The following TRAK1 variants were observed in gnomAD, a reference collection of about 807,000 sequenced individuals.
TRAK1 encodes trafficking kinesin-binding protein 1.
TRAK1 carries 33 observed loss-of-function variants against 92.1 expected under a neutral mutation model. That is an observed-to-expected ratio of 0.36 (90% CI 0.27 to 0.48). The LOEUF (loss-of-function observed/expected upper bound fraction) is 0.48. Ranked by LOEUF, TRAK1 falls within the 20% of genes least tolerant of loss-of-function variation. TRAK1 has a pLI of 0.99. For synonymous variants in TRAK1, 521 were observed against 517.3 expected (o/e 1.01, Z -0.10); for missense variants, 1,123 against 1,257.9 (o/e 0.89, Z 1.62).
intron 1 of TRAK1, among the ~76,000 whole-genome samples, chr3:42,104,895 A>G (rs926046668): frequency 6.6e-6 from 1 of 152,144 alleles, no homozygotes; most frequent in African/African-American, 2.4e-5. Context: ...GGTAATAACA[A>G]ACTTCTCCAA....
chr3:42,217,407 A>G, intron 14 of TRAK1: 2 of 985,380 alleles, frequency 2.0e-6, no homozygotes, highest in Non-Finnish European at 2.4e-6. Context: ...CTTCTGGGGA[A>G]TGGTGACTTG....
At chr3:42,141,145 T>C (rs1385841929) in intron 2 of TRAK1, among the ~76,000 whole-genome samples, 1 of 152,148 alleles carries the variant, frequency 6.6e-6, no homozygotes, top group African/African-American at 2.4e-5. Flanking sequence ...CTTTTTAATA[T>C]ATTATATAAA....
intron 1 of TRAK1, among the ~76,000 whole-genome samples, chr3:42,071,927 C>G: frequency 6.6e-6 from 1 of 152,188 alleles, no homozygotes; most frequent in Admixed American, 6.5e-5. Flanking sequence ...ACCACTCCTA[C>G]CACCCTTCCT....
chr3:42,140,697 C>T (rs537335390), intron 2 of TRAK1, among the ~76,000 whole-genome samples: 5 of 152,340 alleles, frequency 3.3e-5, no homozygotes, highest in African/African-American at 4.8e-5. Flanking sequence ...AGTTAATTTT[C>T]TGAAGCAAGT....
intron 1 of TRAK1, among the ~76,000 whole-genome samples, chr3:42,076,528 A>T (rs1294058980): frequency 1.2e-4 from 19 of 152,086 alleles, no homozygotes; most frequent in Admixed American, 1.2e-3. Context: ...GCCTGGCCAG[A>T]TATTAGACTT....
chr3:42,134,935 A>G (rs1037382314), intron 2 of TRAK1, among the ~76,000 whole-genome samples: 11 of 151,040 alleles, frequency 7.3e-5, no homozygotes, highest in Non-Finnish European at 1.0e-4. Flanking sequence ...GTGCAGTGGC[A>G]TTAATTATAG....
chr3:42,084,613 G>A (rs754226658), upstream of TRAK1, among the ~76,000 whole-genome samples: 3 of 152,030 alleles, frequency 2.0e-5, no homozygotes, highest in Non-Finnish European at 2.9e-5. Flanking sequence ...GGCTTCAGCC[G>A]GTGAATTCCC....
chr3:42,140,455 C>T (rs1409110211), intron 2 of TRAK1, among the ~76,000 whole-genome samples: 1 of 152,052 alleles, frequency 6.6e-6, no homozygotes, highest in South Asian at 2.1e-4. Flanking sequence ...GGTGAAACCC[C>T]GTCTCTACTA....
intron 1 of TRAK1, among the ~76,000 whole-genome samples, chr3:42,041,802 CT>C (rs1186834695): frequency 9.1e-6 from 1 of 109,664 alleles, no homozygotes; most frequent in Non-Finnish European, 2.0e-5. Context: ...TTTTTCTTTT[CT>C]TTTCTTTTTG....
chr3:42,218,925 A>G, intron 14 of TRAK1: 1 of 985,346 alleles, frequency 1.0e-6, no homozygotes, highest in Non-Finnish European at 1.2e-6. Flanking sequence ...AGGCAGCTGA[A>G]GTCCCCATCT....
chr3:42,198,933 G>T lies in TRAK1; in HGVS notation c.1114-244G>T, dbSNP rs749873625. On this transcript the variant is annotated intron_variant, in intron 10 of 15. Transcript: ENST00000327628. ...AGGGTTTGCTTTTAGACACCTAATG[G>T]CATATGAGTCAGCAGCTTTACACTC... is the stretch of plus-strand genomic sequence containing the variant. Among the ~76,000 whole-genome samples, 13 of 152,198 alleles carry T rather than the reference G, an allele frequency of 8.5e-5. No individual in the cohort carries two copies. In the East Asian group the frequency reaches 2.5e-3, roughly 29 times the overall value.
chr3:42,222,122 C>A (rs1710422059), intron 15 of TRAK1, among the ~76,000 whole-genome samples: 1 of 152,142 alleles, frequency 6.6e-6, no homozygotes, highest in Non-Finnish European at 1.5e-5. Context: ...ACTGCTGGAA[C>A]CTAGCAAGTC....
intron 1 of TRAK1, among the ~76,000 whole-genome samples, chr3:42,024,669 A>G (rs1701851896): frequency 6.6e-6 from 1 of 152,252 alleles, no homozygotes; most frequent in African/African-American, 2.4e-5. Flanking sequence ...TATGATTGCT[A>G]TTGAAATAAG....
chr3:42,155,515 T>C (rs1700438827), intron 2 of TRAK1, among the ~76,000 whole-genome samples: 1 of 152,180 alleles, frequency 6.6e-6, no homozygotes, highest in African/African-American at 2.4e-5. Flanking sequence ...TAGCATTATG[T>C]GGGCAGAAGT....
chr3:42,212,778 A>C (rs1001559892), intron 14 of TRAK1, among the ~76,000 whole-genome samples: 3 of 152,234 alleles, frequency 2.0e-5, no homozygotes, highest in African/African-American at 4.8e-5. Context: ...CAAAGGATTA[A>C]GAGTTAAAGT....
At chr3:42,062,828 C>T (rs1703506400) in intron 1 of TRAK1, among the ~76,000 whole-genome samples, 1 of 152,188 alleles carries the variant, frequency 6.6e-6, no homozygotes, top group South Asian at 2.1e-4. Flanking sequence ...TGGGACTTCC[C>T]TACAGCCCCT....
At chr3:42,188,292 C>G in intron 5 of TRAK1, 147 bp downstream of exon 5, 2 of 691,628 alleles carry the variant, frequency 2.9e-6, no homozygotes, top group Admixed American at 4.8e-5. Context: ...CCTCCAAGTG[C>G]CTCAAACAGA....
chr3:42,165,440 C>T (rs1032875505), intron 2 of TRAK1, among the ~76,000 whole-genome samples: 1 of 152,204 alleles, frequency 6.6e-6, no homozygotes, highest in African/African-American at 2.4e-5. Flanking sequence ...GGTTCCCAGG[C>T]GAAGCTGGAG....
chr3:42,112,735 CAA>C (rs774716012), intron 1 of TRAK1, among the ~76,000 whole-genome samples: 5,242 of 54,540 alleles, frequency 0.096, 289 homozygotes, highest in African/African-American at 0.24. Context: ...GACTCTGTCT[CAA>C]AAAAAAAAAA....
Sources: gnomAD v4.1 joint callset for allele counts (sites outside exome capture counted in the v4.1 genomes callset) on GRCh38, gnomAD v4.1.1 for gene constraint, MANE v1.5 for transcripts, NCBI Gene and HGNC (gene_info 2026-07-23, HGNC 2026-07-21) for gene names.